ANAPC5: variants seen among roughly 807,000 people sequenced by gnomAD.
ANAPC5 encodes anaphase-promoting complex subunit 5.
In ANAPC5, 60 loss-of-function variants were observed where a neutral mutation model predicts 91.3. The observed-to-expected ratio is 0.66, with a 90% CI of 0.53 to 0.81. ANAPC5 has a LOEUF of 0.81. Among genes scored for constraint, ANAPC5 ranks in the 40% least tolerant of loss-of-function variants. ANAPC5 has a pLI of 0.00. For missense variants in ANAPC5, 690 were observed against 931.5 expected (o/e 0.74, Z 3.37); for synonymous variants, 340 against 364.1 (o/e 0.93, Z 0.75).
rs762243013 is a variant in ANAPC5, at chr12:121,318,430, C to A, written c.1746-6G>T. The A allele has an allele frequency of 6.2e-7, 1 of 1,610,266 alleles. No homozygotes were observed. Among genetic ancestry groups the A allele is most frequent in the Admixed American group, 1.7e-5 (1 of 59,632 alleles). ...CTGCCACGGACAGTAGGACACTGAC[C>A]GTAAAGAGGAAAACACAGGATGAGA... On this transcript the variant is annotated splice_region_variant and splice_polypyrimidine_tract_variant and intron_variant, in intron 14 of 16. Coordinates refer to ENST00000261819, the MANE Select transcript of ANAPC5 (RefSeq NM_016237.5).
chr12:121,341,946 C>G, intron 5 of ANAPC5, 57 bp downstream of exon 5: 1 of 1,371,572 alleles, frequency 7.3e-7, no homozygotes, highest in South Asian at 1.2e-5. Context: ...CATCACAGGA[C>G]TAGACACATC....
At chr12:121,310,930 T>C (rs1902140392) in intron 15 of ANAPC5, among the ~76,000 whole-genome samples, 1 of 98,704 alleles carries the variant, frequency 1.0e-5, no homozygotes, top group African/African-American at 6.6e-5. Context: ...TGAGACTCCA[T>C]CTCAAAAAAA....
At chr12:121,330,810 A>G (rs1903014575) in intron 8 of ANAPC5, 138 bp from the exon 9 acceptor site, 1 of 646,586 alleles carries the variant, frequency 1.5e-6, no homozygotes, top group African/African-American at 1.8e-5. Flanking sequence ...AAATATCAAG[A>G]ATCTCAATGA....
At chr12:121,319,300 T>C (rs1436289031) in intron 13 of ANAPC5, among the ~76,000 whole-genome samples, 1 of 151,932 alleles carries the variant, frequency 6.6e-6, no homozygotes, top group African/African-American at 2.4e-5. Flanking sequence ...TGGTGCGATC[T>C]TGGCTCACTG....
At chr12:121,329,949 A>T (rs551192428) in intron 9 of ANAPC5, among the ~76,000 whole-genome samples, 2 of 152,192 alleles carry the variant, frequency 1.3e-5, no homozygotes, top group East Asian at 3.9e-4. Context: ...TGTGTATGTC[A>T]TTGAGGACTA....
chr12:121,320,272 T>A (rs937765366), intron 12 of ANAPC5, 113 bp downstream of exon 12: 1 of 988,716 alleles, frequency 1.0e-6, no homozygotes, highest in East Asian at 2.6e-5. Context: ...CTTTGACAAG[T>A]TCCTTTTTAG....
At chr12:121,353,130 C>A (rs1555275680), upstream of ANAPC5, among the ~76,000 whole-genome samples, 1 of 152,122 alleles carries the variant, frequency 6.6e-6, no homozygotes, top group Non-Finnish European at 1.5e-5. Context: ...GGTCGTGTAT[C>A]CTTACGTGAA....
At position 121,327,164 on chromosome 12, in the gene ANAPC5, C is replaced by T. The variant is rs782134243; in HGVS notation, c.1372G>A (p.Val458Met). The change falls in exon 11 of 17, where the codon GTG (valine) becomes ATG (methionine). Residue 458 changes from valine (V) to methionine (M), a missense_variant. Val to Met is a conservative substitution (Grantham distance 21). Coordinates refer to ENST00000261819, the MANE Select transcript of ANAPC5 (RefSeq NM_016237.5). ...MNSLEAVNAG[V>M]QQNNTESFAV... ...AAGGACTCTGTGTTGTTCTGCTGCA[C>T]GCCCGCATTCACCGCCTCCAGGCTG... 8 of 1,613,440 alleles carry T rather than the reference C, an allele frequency of 5.0e-6. No individual in the cohort carries two copies. Among genetic ancestry groups the T allele is most frequent in the South Asian group, 3.3e-5 (3 of 91,060 alleles).
intron 11 of ANAPC5, 170 bp from the exon 12 acceptor site, chr12:121,320,629 A>T: frequency 2.1e-6 from 1 of 476,596 alleles, no homozygotes. Context: ...TTTGGGACAG[A>T]GTCTCGCTCT....
intron 1 of ANAPC5, among the ~76,000 whole-genome samples, chr12:121,349,099 C>T (rs1555275016): frequency 6.6e-6 from 1 of 152,164 alleles, no homozygotes; most frequent in Non-Finnish European, 1.5e-5. Flanking sequence ...ATCCCATGCC[C>T]AGGCTGCTCT....
chr12:121,341,508 A>G (rs1205883695), intron 5 of ANAPC5, among the ~76,000 whole-genome samples: 1 of 152,152 alleles, frequency 6.6e-6, no homozygotes, highest in African/African-American at 2.4e-5. Flanking sequence ...AAAAAGAGAG[A>G]AGTGTTTGGA....
Position 121,345,888 on chromosome 12 carries a change from C to T in ANAPC5, c.541G>A (p.Asp181Asn). The T allele has an allele frequency of 6.2e-7, 1 of 1,614,098 alleles. No homozygotes were observed. Among genetic ancestry groups the T allele is most frequent in the Non-Finnish European group, 8.5e-7 (1 of 1,180,004 alleles). Residue 181 changes from aspartate to asparagine, a missense_variant, in exon 4 of 17, where the codon GAT becomes AAT. Transcript: ENST00000261819. ...EDADMELTSRDEGERKMEKEE... is the reference protein window; with the variant it reads ...EDADMELTSRNEGERKMEKEE... ...TTTTCCATTTTTCTTTCACCCTCAT[C>T]TCTACTGGTCAGTTCCATATCAGCA...
At position 121,328,322 on chromosome 12, in the gene ANAPC5, C is replaced by T. The variant is rs1902900769; in HGVS notation, c.1298G>A (p.Gly433Asp). ...AQKTAIWRLY[G>D]RSTMALQQAQ... ...AGGGCCTTGGGAGACCTACCTGCGG[C>T]CATACAGCCTCCAGATGGCCGTTTT... The change falls in exon 10 of 17, where the codon GGC becomes GAC. Residue 433 changes from glycine to aspartate, a missense_variant. By Grantham distance (94) the Gly-to-Asp change is moderately conservative. Around this residue, in one of 5 missense-constraint regions of ANAPC5, gnomAD observed 317 missense variants for 438.7 expected, o/e 0.72. Transcript: ENST00000261819. 1 of 1,613,786 alleles carries T rather than the reference C, an allele frequency of 6.2e-7. No homozygotes were observed. Among genetic ancestry groups the T allele is most frequent in the Non-Finnish European group, 8.5e-7 (1 of 1,179,992 alleles).
chr12:121,335,429 G>C (rs1183530072), intron 7 of ANAPC5, 104 bp downstream of exon 7: 2 of 1,346,900 alleles, frequency 1.5e-6, no homozygotes, highest in Non-Finnish European at 2.0e-6. Context: ...GCCTCCCAAA[G>C]TGCTGGGACT....
At chr12:121,330,214 A>T (rs1466822516) in intron 9 of ANAPC5, among the ~76,000 whole-genome samples, 1 of 152,230 alleles carries the variant, frequency 6.6e-6, no homozygotes, top group Non-Finnish European at 1.5e-5. Flanking sequence ...CTAAGTAGGC[A>T]GAAAGCCAGA....
Position 121,318,269 on chromosome 12 carries a change from C to T in ANAPC5, c.1893+8G>A, listed in dbSNP as rs758553252. On this transcript the variant is annotated splice_region_variant and intron_variant, in intron 15 of 16. Coordinates refer to ENST00000261819, the MANE Select transcript of ANAPC5 (RefSeq NM_016237.5). ...AAATATGTGCTATAAAAACAGAGATCGGCTTACCTGCGCAAAAGCCAAGTT... is the reference window on the plus strand; with the variant it reads ...AAATATGTGCTATAAAAACAGAGATTGGCTTACCTGCGCAAAAGCCAAGTT... 4.2e-5 allele frequency: 64 copies of T among 1,514,752 alleles called. No individual in the cohort carries two copies. The Middle Eastern group carries it at 5.3e-4, about 13-fold the overall frequency. The allele number at this position is 1,514,752 out of a possible 1,614,324, so 93.8% of individuals were successfully genotyped here. A position where few individuals can be genotyped will look rare whatever the true frequency, so the allele number is the denominator to read the frequency against.
chr12:121,352,424 C>A, upstream of ANAPC5: 4 of 1,108,396 alleles, frequency 3.6e-6, no homozygotes, highest in South Asian at 5.9e-5. Flanking sequence ...GTCTACATCT[C>A]CGCCCGCCCT....
rs781977557 is a variant in ANAPC5, at chr12:121,335,550, G to A, written c.933C>T (p.His311=). The part of the protein sequence containing the change: ...RYAALNLAAL[H]CRFGHYQQAE... ...AAACTTACTAGTGACCGAAGCGGCA[G>A]TGCAGGGCGGCAAGATTCAGAGCGG... The change falls in exon 7 of 17, where the codon CAC becomes CAT. Residue 311 remains histidine, a synonymous_variant. Transcript: ENST00000261819. 1 of 1,610,574 alleles carries A rather than the reference G, an allele frequency of 6.2e-7. No homozygotes were observed. Among genetic ancestry groups the A allele is most frequent in the Non-Finnish European group, 8.5e-7 (1 of 1,177,156 alleles).
Position 121,328,431 on chromosome 12 carries a change from T to A in ANAPC5, c.1189A>T (p.Lys397Ter). ...QRAFAGKTANKLMDALKDSDL... is the reference protein window; with the variant it reads ...QRAFAGKTAN ...GAGTCCTTTAGGGCATCCATCAGCT[T>A]GTTTGCCGTCTTCCCAGCAAAAGCT... The change falls in exon 10 of 17, where the codon AAG becomes TAG. Residue 397 changes from lysine (K) to a stop codon, truncating the protein, a stop_gained. Coordinates refer to ENST00000261819, the MANE Select transcript of ANAPC5 (RefSeq NM_016237.5). LOFTEE classifies it high-confidence loss of function. 6.2e-7 allele frequency: 1 copy of A among 1,613,746 alleles called. No homozygotes were observed. Among genetic ancestry groups the A allele is most frequent in the Non-Finnish European group, 8.5e-7 (1 of 1,179,944 alleles).
Sources: allele counts gnomAD v4.1 joint callset (sites outside exome capture counted in the v4.1 genomes callset), GRCh38; gene constraint gnomAD v4.1.1; regional missense constraint gnomAD v4.1.1; transcripts MANE v1.5; gene names NCBI Gene and HGNC (gene_info 2026-07-23, HGNC 2026-07-21).